Variants in MNAT1 observed in about 807,000 individuals in gnomAD.
MNAT1 encodes the protein MNAT1 component of CDK activating kinase, also known as CDK-activating kinase assembly factor MAT1.
MNAT1 carries 43 observed loss-of-function variants against 42.0 expected under a neutral mutation model. The ratio of observed to expected loss-of-function variants is 1.02; its 90% CI spans 0.80 to 1.32. The LOEUF (loss-of-function observed/expected upper bound fraction) is 1.32. MNAT1 is among the 40% of genes most tolerant of loss of function. The pLI is 0.00. For synonymous variants in MNAT1, 118 were observed against 120.0 expected (o/e 0.98, Z 0.11); for missense variants, 306 against 350.4 (o/e 0.87, Z 1.01).
At chr14:60,744,099 A>C (rs1251840281) in intron 1 of MNAT1, among the ~76,000 whole-genome samples, 1 of 152,050 alleles carries the variant, frequency 6.6e-6, no homozygotes, top group Non-Finnish European at 1.5e-5. Flanking sequence ...TCTGTCTGTA[A>C]GAGTTAACTC....
intron 1 of MNAT1, among the ~76,000 whole-genome samples, chr14:60,784,705 C>T (rs1039896626): frequency 3.3e-5 from 5 of 152,024 alleles, no homozygotes; most frequent in Admixed American, 2.0e-4. Flanking sequence ...CTTTGTGATC[C>T]GCCCACCTCG....
At chr14:60,742,971 TC>T (rs1268895056) in intron 1 of MNAT1, among the ~76,000 whole-genome samples, 2 of 152,224 alleles carry the variant, frequency 1.3e-5, no homozygotes, top group African/African-American at 2.4e-5. Context: ...GTACAAGTTT[TC>T]GTATGGACAA....
rs368092133 is a variant in MNAT1, at chr14:60,909,931, C to T, written c.809+30096C>T. Among the ~76,000 whole-genome samples, 49 of 152,070 alleles carry T rather than the reference C, an allele frequency of 3.2e-4. 1 individual carries two copies. Among genetic ancestry groups the T allele is most frequent in the Admixed American group, 1.2e-3 (18 of 15,270 alleles). On this transcript the variant is annotated intron_variant, in intron 7 of 7. Coordinates refer to ENST00000261245, the MANE Select transcript of MNAT1 (RefSeq NM_002431.4). The stretch of plus-strand genomic sequence containing the variant: ...ACCTTGGGCAGTATGGCCATTTTCA[C>T]GATATTGATTCTTCCTACCCATGAG...
At chr14:60,755,248 A>G (rs1224673076) in intron 1 of MNAT1, among the ~76,000 whole-genome samples, 4 of 151,896 alleles carry the variant, frequency 2.6e-5, no homozygotes, top group Non-Finnish European at 1.5e-5. Context: ...GGTTCAAGTG[A>G]TTCTTCTGCC....
chr14:60,935,082 A>C (rs757153178), intron 7 of MNAT1, among the ~76,000 whole-genome samples: 1 of 152,230 alleles, frequency 6.6e-6, no homozygotes, highest in Non-Finnish European at 1.5e-5. Flanking sequence ...GCTTTAAATG[A>C]AGAATTTTAA....
chr14:60,880,022 C>G (rs1252670107), intron 7 of MNAT1, 187 bp downstream of exon 7: 3 of 428,246 alleles, frequency 7.0e-6, no homozygotes, highest in Non-Finnish European at 1.2e-5. Context: ...TGTTAGGTCT[C>G]TTGAGATTGA....
intron 6 of MNAT1, among the ~76,000 whole-genome samples, chr14:60,831,635 CAT>C (rs1566785355): frequency 6.6e-6 from 1 of 152,144 alleles, no homozygotes; most frequent in Admixed American, 6.5e-5. Flanking sequence ...CTGCAATAAA[CAT>C]ATGTGTGCAT....
chr14:60,859,558 T>C (rs2034045431), intron 6 of MNAT1, among the ~76,000 whole-genome samples: 1 of 152,214 alleles, frequency 6.6e-6, no homozygotes, highest in Admixed American at 6.5e-5. Flanking sequence ...TACTAAAAAT[T>C]TAAAAACATT....
chr14:60,802,810 G>A (rs1594764596), intron 3 of MNAT1, among the ~76,000 whole-genome samples: 1 of 152,190 alleles, frequency 6.6e-6, no homozygotes, highest in East Asian at 1.9e-4. Flanking sequence ...GTTGGGTGAA[G>A]CGTTTGCAGA....
intron 6 of MNAT1, among the ~76,000 whole-genome samples, chr14:60,845,533 T>C (rs1305294827): frequency 6.6e-6 from 1 of 152,108 alleles, no homozygotes; most frequent in Non-Finnish European, 1.5e-5. Flanking sequence ...AAACAGTTAT[T>C]GAAGTATAAT....
At chr14:60,954,629 A>C (rs1405401974) in intron 7 of MNAT1, among the ~76,000 whole-genome samples, 4 of 152,138 alleles carry the variant, frequency 2.6e-5, no homozygotes, top group Non-Finnish European at 5.9e-5. Context: ...TAGTTTCAAC[A>C]GTTTTTTGGT....
At chr14:60,799,695 A>C (rs2032139278) in intron 3 of MNAT1, among the ~76,000 whole-genome samples, 1 of 148,324 alleles carries the variant, frequency 6.7e-6, no homozygotes, top group Non-Finnish European at 1.5e-5. Flanking sequence ...GCTATGATTA[A>C]AAAAATATAT....
chr14:60,897,389 T>A, intron 7 of MNAT1, among the ~76,000 whole-genome samples: 1 of 152,118 alleles, frequency 6.6e-6, no homozygotes, highest in East Asian at 1.9e-4. Context: ...TGTAAAATAA[T>A]CATATGTAAA....
intron 6 of MNAT1, among the ~76,000 whole-genome samples, chr14:60,834,280 A>G (rs926900165): frequency 6.6e-6 from 1 of 151,530 alleles, no homozygotes; most frequent in African/African-American, 2.4e-5. Context: ...TCGATTTTAG[A>G]TGTTTCCCAC....
chr14:60,879,890 GTTCTTAACTGACATGTTAACA>G, intron 7 of MNAT1, 55 bp downstream of exon 7: 1 of 1,557,772 alleles, frequency 6.4e-7, no homozygotes, highest in Non-Finnish European at 8.7e-7. Context: ...ACTTATTGCT[GTTCTTAACTGACATGTTAACA>G]TTCTTAGATT....
At position 60,969,160 on chromosome 14, in the gene MNAT1, G is replaced by A. The variant is rs941640047; in HGVS notation, c.*811G>A. ...AAGTACAGTTCCCTATGTATAAATT[G>A]TATACTGATACAGTTTTTTTGTTGA... is the stretch of plus-strand genomic sequence containing the variant. On this transcript the variant is annotated 3_prime_UTR_variant, in exon 8 of 8. Coordinates refer to ENST00000261245, the MANE Select transcript of MNAT1 (RefSeq NM_002431.4). 2 of 152,194 alleles carry A rather than the reference G, an allele frequency of 1.3e-5. No individual in the cohort carries two copies. The highest frequency in any genetic ancestry group is 2.9e-5 in the Non-Finnish European group (2 of 68,040). 9.4% of individuals were successfully genotyped at this position (152,194 alleles called of 1,614,324 possible).
chr14:60,965,332 T>A (rs2036662047), intron 7 of MNAT1, among the ~76,000 whole-genome samples: 1 of 152,210 alleles, frequency 6.6e-6, no homozygotes, highest in Non-Finnish European at 1.5e-5. Context: ...TTTTTACACA[T>A]TTATGGCATC....
chr14:60,739,615 A>G (rs1309416718), intron 1 of MNAT1, among the ~76,000 whole-genome samples: 1 of 152,344 alleles, frequency 6.6e-6, no homozygotes, highest in East Asian at 1.9e-4. Flanking sequence ...ATATTTCCCT[A>G]CTTATCAATT....
At chr14:60,946,491 C>A (rs1284880139) in intron 7 of MNAT1, among the ~76,000 whole-genome samples, 1 of 152,066 alleles carries the variant, frequency 6.6e-6, no homozygotes, top group Non-Finnish European at 1.5e-5. Flanking sequence ...CTGTATCTTT[C>A]ATTTGCTTTA....
Sources: gnomAD v4.1 joint callset for allele counts (sites outside exome capture counted in the v4.1 genomes callset) on GRCh38, gnomAD v4.1.1 for gene constraint, MANE v1.5 for transcripts, NCBI Gene and HGNC (gene_info 2026-07-23, HGNC 2026-07-21) for gene names.